The following EXOSC6 variants were observed in gnomAD, a reference collection of about 807,000 sequenced individuals.
EXOSC6 encodes the protein exosome complex component MTR3.
Under a neutral mutation model 16.7 loss-of-function variants are expected in EXOSC6, and 21 were observed. That is an observed-to-expected ratio of 1.26 (90% CI 0.89 to 1.82). The LOEUF (loss-of-function observed/expected upper bound fraction) is 1.82. EXOSC6 is among the 40% of genes most tolerant of loss of function. The pLI is 0.00. For missense variants in EXOSC6, 538 were observed against 415.7 expected, an observed-to-expected ratio of 1.29 and a Z score of -2.56; for synonymous variants, 297 against 217.1, an observed-to-expected ratio of 1.37 and a Z score of -3.24.
In EXOSC6 at chr16:70,251,166, G is replaced by T. The variant is rs1959806870; in HGVS notation, c.735C>A (p.Leu245=). ...CGGGGTAGAGGCGCTGGCAGCCCTC[G>T]AGGCCCAGGCGTACGGCCTCCGCCC... The part of the protein sequence containing the change: ...ESWAEAVRLG[L]EGCQRLYPVL... The change falls in exon 1 of 1, where the codon CTC becomes CTA. Residue 245 remains leucine (L), a synonymous_variant. Coordinates refer to ENST00000435634, the MANE Select transcript of EXOSC6 (RefSeq NM_058219.3). The T allele has an allele frequency of 1.3e-6, 2 of 1,531,512 alleles. No homozygotes were observed. Among genetic ancestry groups the T allele is most frequent in the Non-Finnish European group, 1.7e-6 (2 of 1,148,988 alleles). 94.9% of individuals were successfully genotyped at this position (1,531,512 alleles called of 1,614,324 possible).
chr16:70,251,382 G>A lies in EXOSC6; in HGVS notation c.519C>T (p.Gly173=). Residue 173 remains glycine, a synonymous_variant, in exon 1 of 1, where the codon GGC becomes GGT. Coordinates refer to ENST00000435634, the MANE Select transcript of EXOSC6 (RefSeq NM_058219.3). ...CCACCACCAGGTCGTACATCTCCACGCCCGCGTCGGCCAGGGCGAGCGCGG... is the reference window on the plus strand; with the variant it reads ...CCACCACCAGGTCGTACATCTCCACACCCGCGTCGGCCAGGGCGAGCGCGG... ...TAAALALADA[G]VEMYDLVVGC... 3 of 1,358,990 alleles carry A rather than the reference G, an allele frequency of 2.2e-6. No individual in the cohort carries two copies. Among genetic ancestry groups the A allele is most frequent in the Non-Finnish European group, 2.8e-6 (3 of 1,061,964 alleles). 84.2% of individuals were successfully genotyped at this position (1,358,990 alleles called of 1,614,324 possible). A position where few individuals can be genotyped will look rare whatever the true frequency, so the allele number is the denominator to read the frequency against.
rs1158418387 is a variant in EXOSC6, at chr16:70,248,416, C to G, written c.*2666G>C. The G allele has an allele frequency of 6.6e-6, 1 of 152,068 alleles. No individual in the cohort carries two copies. Among genetic ancestry groups the G allele is most frequent in the Non-Finnish European group, 1.5e-5 (1 of 68,036 alleles). The allele number at this position is 152,068 out of a possible 1,614,324, so 9.4% of individuals were successfully genotyped here. On this transcript the variant is annotated 3_prime_UTR_variant, in exon 1 of 1. Transcript: ENST00000435634. ...TATTATGAAATTATTATCGTATTTA[C>G]AGGTATTTATTTTACTGGTGCATCT...
In EXOSC6 at chr16:70,251,785, A is replaced by T. The variant is rs1013769970; in HGVS notation, c.116T>A (p.Val39Glu). ...GTRDPTRLRP[V>E]YARAGLLSQA... The stretch of plus-strand genomic sequence containing the variant: ...GCTCAGCAGCCCGGCGCGCGCGTAC[A>T]CGGGCCGTAGCCGCGTTGGGTCGCG... Residue 39 changes from valine to glutamate, a missense_variant, in exon 1 of 1, where the codon GTG (valine) becomes GAG (glutamate). By Grantham distance (121) the Val-to-Glu change is moderately radical. Transcript: ENST00000435634. 1 of 1,472,410 alleles carries T rather than the reference A, an allele frequency of 6.8e-7. No individual in the cohort carries two copies. The allele number at this position is 1,472,410 out of a possible 1,614,324, so 91.2% of individuals were successfully genotyped here.
In EXOSC6 at chr16:70,251,917, C is replaced by A. The variant is rs1237081506; in HGVS notation, c.-17G>T. Reference sequence around the variant, plus strand: ...CCCAGGCATGGCGGTTCTTGGCGTGCGAACCCCTTCCGCCCAACGCCCTGC... The same window carrying A: ...CCCAGGCATGGCGGTTCTTGGCGTGAGAACCCCTTCCGCCCAACGCCCTGC... On this transcript the variant is annotated 5_prime_UTR_variant, in exon 1 of 1. Transcript: ENST00000435634. The A allele has an allele frequency of 2.0e-6, 3 of 1,493,422 alleles. No homozygotes were observed. The highest frequency in any genetic ancestry group is 2.8e-5 in the East Asian group (1 of 35,900). 92.5% of individuals were successfully genotyped at this position (1,493,422 alleles called of 1,614,324 possible).
In EXOSC6 at chr16:70,246,900, G is replaced by C; in HGVS notation, c.*4182C>G. 1.7e-6 allele frequency: 1 copy of C among 576,746 alleles called. No homozygotes were observed. The highest frequency in any genetic ancestry group is 1.5e-5 in the South Asian group (1 of 66,040). 35.7% of individuals were successfully genotyped at this position (576,746 alleles called of 1,614,324 possible). The stretch of plus-strand genomic sequence containing the variant: ...CACTGATTATACTCAAAGGAGCAGA[G>C]GCATTGTTTTCCATCTGATTCCTCA... On this transcript the variant is annotated 3_prime_UTR_variant, in exon 1 of 1. Transcript: ENST00000435634.
Position 70,251,835 on chromosome 16 carries a change from G to A in EXOSC6, c.66C>T (p.Ala22=), listed in dbSNP as rs752527501. 1.2e-5 allele frequency: 19 copies of A among 1,544,558 alleles called. No homozygotes were observed. Among genetic ancestry groups the A allele is most frequent in the Non-Finnish European group, 1.6e-5 (19 of 1,156,244 alleles). Residue 22 remains alanine (A), a synonymous_variant, in exon 1 of 1, where the codon GCC becomes GCT. Transcript: ENST00000435634. ...GGGTGCCGGGCGCCTCCTCCTCGTC[G>A]GCCGCGTACAGCTGCGGCGGCTGCG... ...EESQPPQLYA[A]DEEEAPGTRD...
In EXOSC6 at chr16:70,251,688, C is replaced by T; in HGVS notation, c.213G>A (p.Gln71=). The part of the protein sequence containing the change: ...KVLCAVSGPR[Q]AEGGERGGGP... ...CGCCGCCGCGCTCGCCGCCCTCGGC[C>T]TGTCGCGGGCCCGACACGGCACACA... is the stretch of plus-strand genomic sequence containing the variant. The change falls in exon 1 of 1, where the codon CAG becomes CAA. Residue 71 remains glutamine (Q), a synonymous_variant. Coordinates refer to ENST00000435634, the MANE Select transcript of EXOSC6 (RefSeq NM_058219.3). 7.8e-7 allele frequency: 1 copy of T among 1,277,822 alleles called. No homozygotes were observed. The highest frequency in any genetic ancestry group is 9.8e-7 in the Non-Finnish European group (1 of 1,016,270). The allele number at this position is 1,277,822 out of a possible 1,614,324, so 79.2% of individuals were successfully genotyped here. A position where few individuals can be genotyped will look rare whatever the true frequency, so the allele number is the denominator to read the frequency against.
In EXOSC6 at chr16:70,250,986, T is replaced by C; in HGVS notation, c.*96A>G. The C allele has an allele frequency of 7.2e-7, 1 of 1,392,506 alleles. No individual in the cohort carries two copies. The highest frequency in any genetic ancestry group is 9.3e-7 in the Non-Finnish European group (1 of 1,071,828). 86.3% of individuals were successfully genotyped at this position (1,392,506 alleles called of 1,614,324 possible). On this transcript the variant is annotated 3_prime_UTR_variant, in exon 1 of 1. Coordinates refer to ENST00000435634, the MANE Select transcript of EXOSC6 (RefSeq NM_058219.3). ...AGTCATATCAGGGCCCTTCCAGGAA[T>C]TCTCGACGCAAACTGGAGGCCGATG...
At position 70,247,193 on chromosome 16, in the gene EXOSC6, C is replaced by G. The variant is rs549683664; in HGVS notation, c.*3889G>C. The G allele has an allele frequency of 1.9e-4, 46 of 236,720 alleles. No individual in the cohort carries two copies. In the South Asian group the frequency reaches 2.1e-3, roughly 11 times the overall value. 14.7% of individuals were successfully genotyped at this position (236,720 alleles called of 1,614,324 possible). ...AGGTTGCAGTGAGCTGAGATTGCAC[C>G]GCTGCACTCCAGCCTGGACAATACA... On this transcript the variant is annotated 3_prime_UTR_variant, in exon 1 of 1. Transcript: ENST00000435634.
rs756560156 is a variant in EXOSC6 at position 70,251,031 on chromosome 16, C to A, written c.*51G>T. 1.3e-5 allele frequency: 18 copies of A among 1,423,508 alleles called. No homozygotes were observed. The highest frequency in any genetic ancestry group is 1.5e-5 in the Non-Finnish European group (16 of 1,094,742). 88.2% of individuals were successfully genotyped at this position (1,423,508 alleles called of 1,614,324 possible). On this transcript the variant is annotated 3_prime_UTR_variant, in exon 1 of 1. Transcript: ENST00000435634. ...CCGATGGCGCGGGTCTTTTCGTGGA[C>A]GGCGGCAGCACGGTCCTCGGCTTGC...
At position 70,250,875 on chromosome 16, in the gene EXOSC6, G is replaced by T. The variant is rs1959798219; in HGVS notation, c.*207C>A. ...GCTCCACCACAAGCGCAGCTCCAGG[G>T]GCTGTTGAGTTTTGCCTTTATCATT... On this transcript the variant is annotated 3_prime_UTR_variant, in exon 1 of 1. Coordinates refer to ENST00000435634, the MANE Select transcript of EXOSC6 (RefSeq NM_058219.3). 1 of 517,722 alleles carries T rather than the reference G, an allele frequency of 1.9e-6. No individual in the cohort carries two copies. The allele number at this position is 517,722 out of a possible 1,614,324, so 32.1% of individuals were successfully genotyped here. A position where few individuals can be genotyped will look rare whatever the true frequency, so the allele number is the denominator to read the frequency against.
Position 70,251,810 on chromosome 16 carries a change from G to T in EXOSC6, c.91C>A (p.Arg31Ser). 1 of 1,521,890 alleles carries T rather than the reference G, an allele frequency of 6.6e-7. No individual in the cohort carries two copies. Among genetic ancestry groups the T allele is most frequent in the South Asian group, 1.2e-5 (1 of 83,258 alleles). The allele number at this position is 1,521,890 out of a possible 1,614,324, so 94.3% of individuals were successfully genotyped here. Residue 31 changes from arginine to serine, a missense_variant, in exon 1 of 1, where the codon CGC becomes AGC. Transcript: ENST00000435634. ...AADEEEAPGT[R>S]DPTRLRPVYA... ...ACGGGCCGTAGCCGCGTTGGGTCGC[G>T]GGTGCCGGGCGCCTCCTCCTCGTCG... is the stretch of plus-strand genomic sequence containing the variant.
At position 70,251,430 on chromosome 16, in the gene EXOSC6, G is replaced by C. The variant is rs754893211; in HGVS notation, c.471C>G (p.Ala157=). The C allele has an allele frequency of 7.4e-7, 1 of 1,347,836 alleles. No homozygotes were observed. Among genetic ancestry groups the C allele is most frequent in the East Asian group, 3.2e-5 (1 of 31,414 alleles). 83.5% of individuals were successfully genotyped at this position (1,347,836 alleles called of 1,614,324 possible). A position where few individuals can be genotyped will look rare whatever the true frequency, so the allele number is the denominator to read the frequency against. Residue 157 remains alanine (A), a synonymous_variant, in exon 1 of 1, where the codon GCC becomes GCG. Transcript: ENST00000435634. ...CGGCGGCGGTGAGCGCGGCGGCCAG[G>C]GCCGAGCCACCGTCCTCCAGCAGCA... The part of the protein sequence containing the change: ...SALLLEDGGS[A]LAAALTAAAL...
chr16:70,251,864 C>CT lies in EXOSC6; in HGVS notation c.36dup (p.Glu13ArgfsTer109), dbSNP rs1959835395. The CT allele has an allele frequency of 6.4e-7, 1 of 1,552,366 alleles. No individual in the cohort carries two copies. The highest frequency in any genetic ancestry group is 1.8e-5 in the Admixed American group (1 of 54,634). ...GCGTACAGCTGCGGCGGCTGCGATT[C>CT]TTCAGGGCCGCGGATGCGGCGGTGA... On this transcript the variant is annotated frameshift_variant, in exon 1 of 1. Transcript: ENST00000435634. LOFTEE classifies it high-confidence loss of function.
rs762854436 is a variant in EXOSC6 at position 70,251,837 on chromosome 16, C to T, written c.64G>A (p.Ala22Thr). Reference sequence around the variant, plus strand: ...GTGCCGGGCGCCTCCTCCTCGTCGGCCGCGTACAGCTGCGGCGGCTGCGAT... The same window carrying T: ...GTGCCGGGCGCCTCCTCCTCGTCGGTCGCGTACAGCTGCGGCGGCTGCGAT... Reference protein sequence around the residue: ...EESQPPQLYAADEEEAPGTRD... With the variant: ...EESQPPQLYATDEEEAPGTRD... Residue 22 changes from alanine (A) to threonine (T), a missense_variant, in exon 1 of 1, where the codon GCC (alanine) becomes ACC (threonine). By Grantham distance (58) the Ala-to-Thr change is moderately conservative. Coordinates refer to ENST00000435634, the MANE Select transcript of EXOSC6 (RefSeq NM_058219.3). 1.3e-6 allele frequency: 2 copies of T among 1,548,152 alleles called. No individual in the cohort carries two copies. Among genetic ancestry groups the T allele is most frequent in the Admixed American group, 1.9e-5 (1 of 53,934 alleles).
rs1306047270 is a variant in EXOSC6 at position 70,251,129 on chromosome 16, T to A, written c.772A>T (p.Ser258Cys). The A allele has an allele frequency of 6.5e-7, 1 of 1,529,666 alleles. No homozygotes were observed. Among genetic ancestry groups the A allele is most frequent in the South Asian group, 1.2e-5 (1 of 83,668 alleles). 94.8% of individuals were successfully genotyped at this position (1,529,666 alleles called of 1,614,324 possible). The stretch of plus-strand genomic sequence containing the variant: ...CTGCGGCGGGCGGCCCGCACCAGGC[T>A]CTGCTGCAGCACGGGGTAGAGGCGC... ...CQRLYPVLQQ[S>C]LVRAARRRGA... The change falls in exon 1 of 1, where the codon AGC becomes TGC. Residue 258 changes from serine (S) to cysteine (C), a missense_variant. By Grantham distance (112) the Ser-to-Cys change is moderately radical (BLOSUM62 -1). Transcript: ENST00000435634.
In EXOSC6 at chr16:70,247,397, G is replaced by A. The variant is rs1959716314; in HGVS notation, c.*3685C>T. 1 of 152,064 alleles carries A rather than the reference G, an allele frequency of 6.6e-6. No individual in the cohort carries two copies. The highest frequency in any genetic ancestry group is 1.5e-5 in the Non-Finnish European group (1 of 68,040). The allele number at this position is 152,064 out of a possible 1,614,324, so 9.4% of individuals were successfully genotyped here. A position where few individuals can be genotyped will look rare whatever the true frequency, so the allele number is the denominator to read the frequency against. On this transcript the variant is annotated 3_prime_UTR_variant, in exon 1 of 1. Coordinates refer to ENST00000435634, the MANE Select transcript of EXOSC6 (RefSeq NM_058219.3). ...CAATATCCCTAAATGCTCTCTTTAA[G>A]ATTCCACCTGTGATTAAATTTCAAA...
In EXOSC6 at chr16:70,251,504, C is replaced by T. The variant is rs1262241415; in HGVS notation, c.397G>A (p.Ala133Thr). The T allele has an allele frequency of 1.6e-6, 2 of 1,288,240 alleles. No homozygotes were observed. Among genetic ancestry groups the T allele is most frequent in the African/African-American group, 1.6e-5 (1 of 64,394 alleles). The allele number at this position is 1,288,240 out of a possible 1,614,324, so 79.8% of individuals were successfully genotyped here. Residue 133 changes from alanine (A) to threonine (T), a missense_variant, in exon 1 of 1, where the codon GCT becomes ACT. By Grantham distance (58) the Ala-to-Thr change is moderately conservative. Transcript: ENST00000435634. Reference protein sequence around the residue: ...ALALQEALEPAVRLGRYPRAQ... With the variant: ...ALALQEALEPTVRLGRYPRAQ... ...CGCGGGTAGCGGCCCAGGCGCACAG[C>T]CGGCTCCAGCGCCTCCTGCAGCGCC...
At position 70,251,367 on chromosome 16, in the gene EXOSC6, G is replaced by A. The variant is rs1285964736; in HGVS notation, c.534C>T (p.Asp178=). 10 of 1,380,142 alleles carry A rather than the reference G, an allele frequency of 7.2e-6. No homozygotes were observed. Among genetic ancestry groups the A allele is most frequent in the Non-Finnish European group, 8.4e-6 (9 of 1,072,782 alleles). 85.5% of individuals were successfully genotyped at this position (1,380,142 alleles called of 1,614,324 possible). Residue 178 remains aspartate, a synonymous_variant, in exon 1 of 1, where the codon GAC becomes GAT. Transcript: ENST00000435634. ...GGCTGAGGCCGCAGCCCACCACCAG[G>A]TCGTACATCTCCACGCCCGCGTCGG... ...ALADAGVEMY[D]LVVGCGLSLA... is the part of the protein sequence containing the mutation.
Sources: gnomAD v4.1 joint callset for allele counts on GRCh38, gnomAD v4.1.1 for gene constraint, MANE v1.5 for transcripts, NCBI Gene and HGNC (gene_info 2026-07-23, HGNC 2026-07-21) for gene names.